Variants in HEMK2 observed in about 807,000 individuals in gnomAD.
HEMK2 encodes the protein methyltransferase HEMK2.
chr21:28,852,937 G>C, the HEMK2 span, among the ~76,000 whole-genome samples: 39,991 of 152,024 alleles, frequency 0.26, 6,079 homozygotes, highest in African/African-American at 0.41. Flanking sequence ...CCTTGCCTTT[G>C]ATGGTTGAGT....
the HEMK2 span, among the ~76,000 whole-genome samples, chr21:28,630,406 T>G: frequency 1.3e-5 from 2 of 152,290 alleles, no homozygotes; most frequent in Non-Finnish European, 2.9e-5. Flanking sequence ...AAATACCATT[T>G]GACCCAGCCA....
the HEMK2 span, among the ~76,000 whole-genome samples, chr21:28,803,217 A>G: frequency 6.6e-6 from 1 of 152,206 alleles, no homozygotes; most frequent in Non-Finnish European, 1.5e-5. Flanking sequence ...CATACACTTC[A>G]TGTTCTGTTG....
the HEMK2 span, among the ~76,000 whole-genome samples, chr21:28,841,388 TA>T: frequency 3.8e-4 from 11 of 29,262 alleles, 1 homozygote; most frequent in African/African-American, 6.8e-4. Context: ...ATATAATATA[TA>T]AAATATTATA....
At chr21:28,862,601 T>TGCAGTCC in the HEMK2 span, among the ~76,000 whole-genome samples, 2 of 121,108 alleles carry the variant, frequency 1.7e-5, no homozygotes, top group Non-Finnish European at 3.4e-5. Flanking sequence ...ATTGCGCCAC[T>TGCAGTCC]GCAGTCCGCA....
the HEMK2 span, among the ~76,000 whole-genome samples, chr21:28,597,146 A>C: frequency 1.3e-5 from 2 of 152,244 alleles, no homozygotes; most frequent in African/African-American, 4.8e-5. Context: ...GGCAAAAGGG[A>C]ACAAGAATGT....
At chr21:28,719,033 G>A in the HEMK2 span, among the ~76,000 whole-genome samples, 50,565 of 152,014 alleles carry the variant, frequency 0.33, 9,625 homozygotes, top group East Asian at 0.54. Context: ...AACAATGGGC[G>A]CCACAGTCCA....
the HEMK2 span, among the ~76,000 whole-genome samples, chr21:28,877,274 AAGGAAGGAAGG>A: frequency 8.7e-6 from 1 of 114,362 alleles, no homozygotes; most frequent in African/African-American, 3.2e-5. Context: ...GGAAGGAAGG[AAGGAAGGAAGG>A]AAGGAAGGAA....
the HEMK2 span, among the ~76,000 whole-genome samples, chr21:28,717,260 G>T: frequency 6.6e-6 from 1 of 151,946 alleles, no homozygotes; most frequent in Admixed American, 6.6e-5. Context: ...TTTTAAGGTT[G>T]GGTGTTTTTT....
chr21:28,653,603 G>A, the HEMK2 span, among the ~76,000 whole-genome samples: 7 of 152,078 alleles, frequency 4.6e-5, no homozygotes, highest in Admixed American at 2.6e-4. Context: ...AGTCAATTGC[G>A]TATCACTTCT....
At chr21:28,605,531 A>T in the HEMK2 span, among the ~76,000 whole-genome samples, 1 of 152,200 alleles carries the variant, frequency 6.6e-6, no homozygotes, top group Non-Finnish European at 1.5e-5. Flanking sequence ...TTTTTTAACT[A>T]AGTCAGTTTT....
the HEMK2 span, among the ~76,000 whole-genome samples, chr21:28,700,603 C>T: frequency 4.6e-5 from 7 of 152,070 alleles, no homozygotes; most frequent in East Asian, 1.4e-3. Context: ...CAGAAATAAA[C>T]TGAATCTCTG....
At chr21:28,776,106 G>A in the HEMK2 span, among the ~76,000 whole-genome samples, 8 of 152,316 alleles carry the variant, frequency 5.3e-5, no homozygotes, top group Middle Eastern at 3.4e-3. Context: ...TTCAAGGAAT[G>A]GGGAGAAAAG....
chr21:28,848,852 A>C, the HEMK2 span, among the ~76,000 whole-genome samples: 38 of 152,268 alleles, frequency 2.5e-4, no homozygotes, highest in African/African-American at 8.9e-4. Context: ...TCTTACACCC[A>C]TCAGTATCCC....
chr21:28,637,147 T>C, the HEMK2 span, among the ~76,000 whole-genome samples: 1 of 152,314 alleles, frequency 6.6e-6, no homozygotes, highest in South Asian at 2.1e-4. Context: ...AAAATATTCA[T>C]ATCTTTTTCT....
the HEMK2 span, among the ~76,000 whole-genome samples, chr21:28,846,522 G>T: frequency 1.3e-5 from 2 of 151,884 alleles, no homozygotes; most frequent in African/African-American, 2.4e-5. Flanking sequence ...ATCTTGTTGG[G>T]GTTTCAATTC....
chr21:28,854,270 T>G, the HEMK2 span, among the ~76,000 whole-genome samples: 1 of 152,190 alleles, frequency 6.6e-6, no homozygotes, highest in Non-Finnish European at 1.5e-5. Context: ...TTTGCATAAC[T>G]TTCTATACAG....
chr21:28,648,237 A>G, the HEMK2 span, among the ~76,000 whole-genome samples: 1 of 152,246 alleles, frequency 6.6e-6, no homozygotes, highest in Non-Finnish European at 1.5e-5. Context: ...TTATGTATGT[A>G]AATACTTTTT....
the HEMK2 span, among the ~76,000 whole-genome samples, chr21:28,807,535 G>C: frequency 6.6e-6 from 1 of 152,178 alleles, no homozygotes; most frequent in Non-Finnish European, 1.5e-5. Flanking sequence ...GAACTCTGGA[G>C]CTGTGAGGGC....
chr21:28,882,733 G>A, the HEMK2 span, among the ~76,000 whole-genome samples: 3 of 152,076 alleles, frequency 2.0e-5, no homozygotes, highest in Admixed American at 1.3e-4. Flanking sequence ...AACTTTAAAT[G>A]TCTTATGATA....
Sources: gnomAD v4.1 joint callset for allele counts (sites outside exome capture counted in the v4.1 genomes callset) on GRCh38, gnomAD v4.1.1 for gene constraint, MANE v1.5 for transcripts, NCBI Gene and HGNC (gene_info 2026-07-23, HGNC 2026-07-21) for gene names.